Variants in ERC1 observed in about 807,000 individuals in gnomAD.
ERC1 encodes RAB6 interacting protein 2.
ERC1 carries 56 observed loss-of-function variants against 132.0 expected under a neutral mutation model. The ratio of observed to expected loss-of-function variants is 0.42; its 90% confidence interval spans 0.34 to 0.53. The LOEUF is 0.53. ERC1 is among the 20% of genes least tolerant of loss of function. The probability of loss-of-function intolerance (pLI) is 0.03; values close to 1 mark genes in which losing one functional copy is unlikely to be tolerated. For synonymous variants in ERC1, 478 were observed against 476.1 expected (o/e 1.00, Z -0.05); for missense variants, 1,202 against 1,349.9 (o/e 0.89, Z 1.72).
chr12:1,082,030 GT>G (rs1565928191), intron 2 of ERC1, among the ~76,000 whole-genome samples: 8 of 34,888 alleles, frequency 2.3e-4, no homozygotes, highest in Non-Finnish European at 1.0e-4. Flanking sequence ...GGTTTTGCTT[GT>G]TTGTTTGTTT....
chr12:1,128,464 G>A (rs977571743), intron 7 of ERC1, among the ~76,000 whole-genome samples: 27 of 152,076 alleles, frequency 1.8e-4, no homozygotes, highest in African/African-American at 6.3e-4. Context: ...TCAGCTCCTG[G>A]ACTCAAGTGA....
intron 12 of ERC1, among the ~76,000 whole-genome samples, chr12:1,218,163 T>C (rs1958597930): frequency 6.6e-6 from 1 of 152,216 alleles, no homozygotes; most frequent in Admixed American, 6.5e-5. Context: ...AATTGGATGC[T>C]ACCCAGTTTG....
chr12:1,113,559 A>AGCCC, intron 6 of ERC1, among the ~76,000 whole-genome samples: 1 of 152,228 alleles, frequency 6.6e-6, no homozygotes, highest in African/African-American at 2.4e-5. Flanking sequence ...TACAGCATTT[A>AGCCC]AAAAACCAAA....
chr12:1,406,266 T>A (rs2091482450), intron 16 of ERC1, among the ~76,000 whole-genome samples: 1 of 152,210 alleles, frequency 6.6e-6, no homozygotes, highest in Non-Finnish European at 1.5e-5. Flanking sequence ...ACTCAGGCAA[T>A]TTGGCTCTTT....
At chr12:1,211,942 A>G (rs562597650) in intron 12 of ERC1, among the ~76,000 whole-genome samples, 121 of 152,240 alleles carry the variant, frequency 7.9e-4, no homozygotes, top group African/African-American at 2.7e-3. Context: ...AAGGAGGTCA[A>G]TTAAATATAA....
At position 1,111,607 on chromosome 12, in the gene ERC1, CT is replaced by C. The variant is rs780910283; in HGVS notation, c.1318-595del. Among the ~76,000 whole-genome samples, 461 of 145,190 alleles carry C rather than the reference CT, an allele frequency of 3.2e-3. 2 individuals carry two copies. The highest frequency in any genetic ancestry group is 0.018 in the Middle Eastern group (5 of 272). On this transcript the variant is annotated intron_variant, in intron 5 of 18. Transcript: ENST00000360905. ...AGAAATTAAAAACTCACATACCCAA[CT>C]TTTTTTTTTTTTCTTTTTCTTTTTT...
intron 18 of ERC1, among the ~76,000 whole-genome samples, chr12:1,478,505 GA>G (rs1164704688): frequency 6.6e-6 from 1 of 152,206 alleles, no homozygotes; most frequent in Non-Finnish European, 1.5e-5. Context: ...TTAAGAGACA[GA>G]AATCCGGCCG....
In ERC1 at chr12:1,110,181, A is replaced by G. The variant is rs757351488; in HGVS notation, c.1162-11A>G. On this transcript the variant is annotated splice_polypyrimidine_tract_variant and intron_variant, in intron 4 of 18. Transcript: ENST00000360905. ...GAATACTTCAATCACTAAATCTTCC[A>G]TTGTCTTCAGGATTCAAAAATTTCC... The G allele has an allele frequency of 1.9e-6, 3 of 1,589,634 alleles. No individual in the cohort carries two copies. Among genetic ancestry groups the G allele is most frequent in the African/African-American group, 2.7e-5 (2 of 73,522 alleles).
At chr12:1,206,286 A>G (rs984602282) in intron 12 of ERC1, among the ~76,000 whole-genome samples, 7 of 152,000 alleles carry the variant, frequency 4.6e-5, no homozygotes, top group African/African-American at 1.7e-4. Context: ...AGTATAATTT[A>G]TTACTGCTTT....
Position 1,473,004 on chromosome 12 carries a change from G to A in ERC1, c.3214-17089G>A, listed in dbSNP as rs75462985. ...ATTTTGACTTTGGATAGACAGACCCGAATGGAGCCAAACTCTTGTTGTTTT... is the reference window on the plus strand; with the variant it reads ...ATTTTGACTTTGGATAGACAGACCCAAATGGAGCCAAACTCTTGTTGTTTT... On this transcript the variant is annotated intron_variant, in intron 18 of 18. Coordinates refer to ENST00000360905, the MANE Select transcript of ERC1 (RefSeq NM_178040.4). Among the ~76,000 whole-genome samples the A allele has an allele frequency of 1.2e-4, 18 of 152,118 alleles. No individual in the cohort carries two copies. In the South Asian group the frequency reaches 2.7e-3, roughly 23 times the overall value.
At chr12:1,292,721 T>C (rs2079541302) in intron 15 of ERC1, among the ~76,000 whole-genome samples, 1 of 152,182 alleles carries the variant, frequency 6.6e-6, no homozygotes, top group Non-Finnish European at 1.5e-5. Flanking sequence ...TTAAGAGAGC[T>C]GTTAACAGGC....
chr12:1,215,197 T>A (rs186411142), intron 12 of ERC1, among the ~76,000 whole-genome samples: 1 of 152,244 alleles, frequency 6.6e-6, no homozygotes, highest in Non-Finnish European at 1.5e-5. Context: ...ATTACTGTTA[T>A]AATTGTCATG....
intron 12 of ERC1, among the ~76,000 whole-genome samples, chr12:1,205,379 G>A (rs193281885): frequency 1.0e-3 from 148 of 145,940 alleles, no homozygotes; most frequent in African/African-American, 3.2e-3. Context: ...GTGTGTGTGT[G>A]TATATATATA....
chr12:1,045,947 TTAAA>T (rs1175114145), intron 2 of ERC1, among the ~76,000 whole-genome samples: 1 of 152,054 alleles, frequency 6.6e-6, no homozygotes, highest in Non-Finnish European at 1.5e-5. Context: ...TTTGATTACT[TTAAA>T]TAATCAGTCA....
At chr12:1,444,341 TC>T in intron 17 of ERC1, 1 of 422,580 alleles carries the variant, frequency 2.4e-6, no homozygotes, top group Non-Finnish European at 4.2e-6. Context: ...AGCGTTCTCT[TC>T]CTGTCTCCCA....
chr12:1,424,864 CG>C (rs2092578319), intron 17 of ERC1, among the ~76,000 whole-genome samples: 1 of 100,950 alleles, frequency 9.9e-6, no homozygotes, highest in Admixed American at 1.1e-4. Flanking sequence ...ATAGATAGAT[CG>C]ATAGATAGAT....
chr12:1,041,197 A>C (rs1172593257), intron 2 of ERC1, among the ~76,000 whole-genome samples: 1 of 146,994 alleles, frequency 6.8e-6, no homozygotes, highest in African/African-American at 2.4e-5. Flanking sequence ...ACAGTTTTGC[A>C]AGTCTCTCTT....
At chr12:1,194,471 G>A (rs554233092) in intron 12 of ERC1, among the ~76,000 whole-genome samples, 69 of 152,098 alleles carry the variant, frequency 4.5e-4, no homozygotes, top group Non-Finnish European at 7.1e-4. Flanking sequence ...ACTTAGAAGC[G>A]TACTGGAGGC....
At chr12:1,104,489 G>T (rs1420432396) in intron 3 of ERC1, among the ~76,000 whole-genome samples, 1 of 152,216 alleles carries the variant, frequency 6.6e-6, no homozygotes, top group African/African-American at 2.4e-5. Flanking sequence ...AGTTTCAGCT[G>T]TTATGGTAGC....
Sources: gnomAD v4.1 joint callset for allele counts (sites outside exome capture counted in the v4.1 genomes callset) on GRCh38, gnomAD v4.1.1 for gene constraint, MANE v1.5 for transcripts, NCBI Gene and HGNC (gene_info 2026-07-23, HGNC 2026-07-21) for gene names.